Variants in FBRSL1 observed in about 807,000 individuals in gnomAD.
FBRSL1 encodes the protein fibrosin-1-like protein.
Under a neutral mutation model 89.6 loss-of-function variants are expected in FBRSL1, and 51 were observed. The ratio of observed to expected loss-of-function variants is 0.57; its 90% CI spans 0.45 to 0.72. The LOEUF (loss-of-function observed/expected upper bound fraction) is 0.72, where lower values mean the gene tolerates loss of function less well. Ranked by LOEUF, FBRSL1 falls within the 30% of genes least tolerant of loss-of-function variation. The pLI is 0.00. For synonymous variants in FBRSL1, 779 were observed against 681.1 expected, an observed-to-expected ratio of 1.14 and a Z score of -2.24; for missense variants, 1,618 against 1,451.8, an observed-to-expected ratio of 1.11 and a Z score of -1.86.
intron 2 of FBRSL1, among the ~76,000 whole-genome samples, chr12:132,519,220 A>G (rs1315412030): frequency 6.6e-6 from 1 of 152,274 alleles, no homozygotes; most frequent in Non-Finnish European, 1.5e-5. Context: ...TCTACTGAAG[A>G]GAGACACAGA....
Position 132,549,364 on chromosome 12 carries a change from C to G in FBRSL1, c.645+1332C>G, listed in dbSNP as rs2037959507. 2.6e-5 allele frequency among the ~76,000 whole-genome samples: 4 copies of G among 152,208 alleles called. No individual in the cohort carries two copies. In the South Asian group the frequency reaches 8.3e-4, roughly 31 times the overall value. On this transcript the variant is annotated intron_variant, in intron 5 of 18. Transcript: ENST00000680143. Reference sequence around the variant, plus strand: ...CCCATAGGAGTGGCCTCACCCGGGACCCCGCGTGGCTCCGCGTGGCCCTCA... The same window carrying G: ...CCCATAGGAGTGGCCTCACCCGGGAGCCCGCGTGGCTCCGCGTGGCCCTCA...
intron 4 of FBRSL1, among the ~76,000 whole-genome samples, chr12:132,543,187 C>T (rs910770022): frequency 2.6e-5 from 4 of 152,216 alleles, no homozygotes; most frequent in African/African-American, 7.2e-5. Flanking sequence ...TGGCCGCCAG[C>T]GGCTGCTGTC....
intron 5 of FBRSL1, among the ~76,000 whole-genome samples, chr12:132,549,852 G>A (rs2038000944): frequency 6.6e-6 from 1 of 152,236 alleles, no homozygotes; most frequent in Non-Finnish European, 1.5e-5. Flanking sequence ...CCCGGGCCTG[G>A]GCTGGAGGCC....
At chr12:132,512,823 G>A (rs966192834) in intron 2 of FBRSL1, among the ~76,000 whole-genome samples, 3 of 152,220 alleles carry the variant, frequency 2.0e-5, no homozygotes, top group Non-Finnish European at 4.4e-5. Flanking sequence ...CTGGGTCCCT[G>A]TGGCCAACAG....
Position 132,576,860 on chromosome 12 carries a change from C to G in FBRSL1, c.1763C>G (p.Pro588Arg). 6.4e-7 allele frequency: 1 copy of G among 1,551,030 alleles called. No homozygotes were observed. The highest frequency in any genetic ancestry group is 2.4e-5 in the East Asian group (1 of 40,910). The part of the protein sequence containing the change: ...VGAKLDLFGR[P>R]PAPGVFAGFH... The stretch of plus-strand genomic sequence containing the variant: ...GCAAAGCTGGACCTGTTCGGCAGAC[C>G]CCCTGCCCCGGGCGTGTTTGCAGGC... Residue 588 changes from proline (P) to arginine (R), a missense_variant, in exon 15 of 19, where the codon CCC (proline) becomes CGC (arginine). By Grantham distance (103) the Pro-to-Arg change is moderately radical (BLOSUM62 -2). Transcript: ENST00000680143.
chr12:132,549,420 G>A (rs745537832), intron 5 of FBRSL1, among the ~76,000 whole-genome samples: 4 of 152,202 alleles, frequency 2.6e-5, no homozygotes, highest in Admixed American at 6.5e-5. Context: ...CGCCCGAACC[G>A]TGACGGGCCT....
intron 2 of FBRSL1, among the ~76,000 whole-genome samples, chr12:132,512,324 G>C (rs545183731): frequency 6.6e-6 from 1 of 152,368 alleles, no homozygotes; most frequent in South Asian, 2.1e-4. Context: ...CTGGGCACGC[G>C]TGAGGGAGCA....
chr12:132,543,453 G>T (rs1427744323), intron 4 of FBRSL1, among the ~76,000 whole-genome samples: 2 of 152,246 alleles, frequency 1.3e-5, no homozygotes, highest in African/African-American at 4.8e-5. Context: ...CAGGGCTGGG[G>T]CCCAGAAGCT....
chr12:132,511,936 C>T (rs1410735474), intron 2 of FBRSL1: 119 of 985,272 alleles, frequency 1.2e-4, no homozygotes, highest in Non-Finnish European at 1.4e-4. Context: ...AGTGCCGTGC[C>T]ACTATTTTTT....
chr12:132,583,599 G>GCGCGGACCCCGCCCGC lies in FBRSL1; in HGVS notation c.2834_2849dup (p.Ala951AspfsTer80). ...CGCCGCGCTGCACAATGGGCTCCTG[G>GCGCGGACCCCGCCCGC]CGCGGACCCCGCCCGCCGCCGCCGC... On this transcript the variant is annotated frameshift_variant, in exon 19 of 19. Coordinates refer to ENST00000680143, the MANE Select transcript of FBRSL1 (RefSeq NM_001367871.1). LOFTEE classifies it high-confidence loss of function. The GCGCGGACCCCGCCCGC allele has an allele frequency of 2.0e-6, 2 of 992,356 alleles. No homozygotes were observed. The highest frequency in any genetic ancestry group is 2.4e-6 in the Non-Finnish European group (2 of 835,850). The allele number at this position is 992,356 out of a possible 1,614,324, so 61.5% of individuals were successfully genotyped here.
rs542905074 is a variant in FBRSL1, at chr12:132,582,036, T to A, written c.1997-26T>A. ...GGCTGGGGAGCAGACAGACCCAACC[T>A]CATGCTCCCCGGCCTCTGCCCCCAG... On this transcript the variant is annotated intron_variant, in intron 17 of 18. Coordinates refer to ENST00000680143, the MANE Select transcript of FBRSL1 (RefSeq NM_001367871.1). 1.4e-4 allele frequency: 212 copies of A among 1,525,278 alleles called. No homozygotes were observed. The African/African-American group carries it at 2.9e-3, about 21-fold the overall frequency. The allele number at this position is 1,525,278 out of a possible 1,614,324, so 94.5% of individuals were successfully genotyped here.
intron 2 of FBRSL1, among the ~76,000 whole-genome samples, chr12:132,522,984 G>A (rs74971075): frequency 0.012 from 1,773 of 152,292 alleles, 46 homozygotes; most frequent in East Asian, 0.12. Context: ...TACCTGGCTC[G>A]TCAGGGCTCC....
At chr12:132,575,663 C>T (rs2040338577) in intron 14 of FBRSL1, among the ~76,000 whole-genome samples, 1 of 152,260 alleles carries the variant, frequency 6.6e-6, no homozygotes, top group African/African-American at 2.4e-5. Context: ...GTCCTTGGAA[C>T]TCGGGGCATG....
rs1340047552 is a variant in FBRSL1 at position 132,583,487 on chromosome 12, G to C, written c.2718G>C (p.Arg906=). Residue 906 remains arginine (R), a synonymous_variant, in exon 19 of 19, where the codon CGG becomes CGC. Transcript: ENST00000680143. The part of the protein sequence containing the change: ...ERLRGELERA[R]APHLPPAAPA... ...TGCGCGGGGAGCTGGAGCGCGCGCGGGCCCCGCACCTGCCGCCCGCCGCCC... is the reference window on the plus strand; with the variant it reads ...TGCGCGGGGAGCTGGAGCGCGCGCGCGCCCCGCACCTGCCGCCCGCCGCCC... 9.5e-7 allele frequency: 1 copy of C among 1,048,796 alleles called. No individual in the cohort carries two copies. The highest frequency in any genetic ancestry group is 1.8e-5 in the African/African-American group (1 of 57,130). The allele number at this position is 1,048,796 out of a possible 1,614,324, so 65.0% of individuals were successfully genotyped here. A position where few individuals can be genotyped will look rare whatever the true frequency, so the allele number is the denominator to read the frequency against.
chr12:132,577,240 C>T (rs924380017), intron 15 of FBRSL1, among the ~76,000 whole-genome samples: 4 of 152,006 alleles, frequency 2.6e-5, no homozygotes, highest in Non-Finnish European at 4.4e-5. Flanking sequence ...CTTCAGCCCA[C>T]GCCACACGGC....
At chr12:132,512,142 A>T (rs1475881149) in intron 2 of FBRSL1, among the ~76,000 whole-genome samples, 1 of 152,170 alleles carries the variant, frequency 6.6e-6, no homozygotes, top group African/African-American at 2.4e-5. Flanking sequence ...TACTGTGCTC[A>T]GCATGGGGGC....
intron 1 of FBRSL1, among the ~76,000 whole-genome samples, chr12:132,503,639 C>G (rs1451756740): frequency 6.6e-6 from 1 of 152,228 alleles, no homozygotes; most frequent in Non-Finnish European, 1.5e-5. Flanking sequence ...AGTTTCTGTT[C>G]AGCTTTTGAC....
intron 1 of FBRSL1, among the ~76,000 whole-genome samples, chr12:132,500,140 C>T (rs569518236): frequency 1.3e-5 from 2 of 152,288 alleles, no homozygotes; most frequent in South Asian, 4.1e-4. Context: ...AGCCATCAAG[C>T]GTCTGGGGCT....
chr12:132,547,089 T>G (rs1392940067), intron 4 of FBRSL1, among the ~76,000 whole-genome samples: 3 of 152,242 alleles, frequency 2.0e-5, no homozygotes, highest in Non-Finnish European at 4.4e-5. Context: ...TTTCCCCTTT[T>G]GACTGTTTCG....
Sources: gnomAD v4.1 joint callset for allele counts (sites outside exome capture counted in the v4.1 genomes callset) on GRCh38, gnomAD v4.1.1 for gene constraint, MANE v1.5 for transcripts, NCBI Gene and HGNC (gene_info 2026-07-23, HGNC 2026-07-21) for gene names.